The following MEI4 variants were observed in gnomAD, a reference collection of about 807,000 sequenced individuals.
MEI4 encodes meiosis-specific protein MEI4.
A neutral mutation model predicts 31.4 loss-of-function variants in MEI4; 27 were observed. The ratio of observed to expected loss-of-function variants is 0.86; its 90% CI spans 0.63 to 1.19. The LOEUF is 1.19. Ranked by LOEUF, MEI4 falls within the 50% of genes most tolerant of loss-of-function variation. The pLI, the probability that MEI4 is intolerant of heterozygous loss-of-function variation, is 0.00. For missense variants in MEI4, 329 were observed against 398.9 expected, an observed-to-expected ratio of 0.82 and a Z score of 1.49; for synonymous variants, 122 against 145.4, an observed-to-expected ratio of 0.84 and a Z score of 1.16.
intron 3 of MEI4, among the ~76,000 whole-genome samples, chr6:77,825,641 A>C (rs569802951): frequency 6.6e-6 from 1 of 152,308 alleles, no homozygotes; most frequent in Admixed American, 6.5e-5. Flanking sequence ...AAATGTTTTA[A>C]ATATCTATAA....
intron 4 of MEI4, among the ~76,000 whole-genome samples, chr6:77,882,574 T>C (rs192277716): frequency 1.3e-5 from 2 of 152,176 alleles, no homozygotes; most frequent in Non-Finnish European, 2.9e-5. Context: ...TCTGACCTTC[T>C]TACCATCAGA....
At chr6:77,849,414 C>CTGTG (rs1383987832) in intron 4 of MEI4, among the ~76,000 whole-genome samples, 1 of 152,048 alleles carries the variant, frequency 6.6e-6, no homozygotes, top group Non-Finnish European at 1.5e-5. Flanking sequence ...AATAAGGTGC[C>CTGTG]TGTGTGTGTG....
chr6:77,766,311 C>T (rs1768172982), intron 3 of MEI4, among the ~76,000 whole-genome samples: 1 of 152,118 alleles, frequency 6.6e-6, no homozygotes, highest in South Asian at 2.1e-4. Flanking sequence ...TGGTGATTCC[C>T]TCTAGTACTG....
At chr6:77,903,195 G>A (rs1253187893) in intron 4 of MEI4, among the ~76,000 whole-genome samples, 1 of 151,538 alleles carries the variant, frequency 6.6e-6, no homozygotes, top group South Asian at 2.1e-4. Flanking sequence ...AGGGCTTTCA[G>A]TACAGAGAGT....
At chr6:77,857,694 C>A (rs899802680) in intron 4 of MEI4, among the ~76,000 whole-genome samples, 1 of 152,172 alleles carries the variant, frequency 6.6e-6, no homozygotes, top group African/African-American at 2.4e-5. Context: ...GGCTGAGTTG[C>A]ATGAATTCCT....
At chr6:77,761,708 T>C in intron 3 of MEI4, 43 bp downstream of exon 3, 1 of 1,175,952 alleles carries the variant, frequency 8.5e-7, no homozygotes, top group Non-Finnish European at 1.1e-6. Flanking sequence ...TGCTAGTAAT[T>C]TTAGTGAACA....
At chr6:77,758,170 A>G (rs957908008) in intron 2 of MEI4, among the ~76,000 whole-genome samples, 15 of 151,624 alleles carry the variant, frequency 9.9e-5, no homozygotes, top group East Asian at 5.8e-4. Flanking sequence ...AAAAAAAAAA[A>G]AAAGAAAGAA....
In MEI4 at chr6:77,700,739, C is replaced by T. The variant is rs9443459; in HGVS notation, c.232+9836C>T. On this transcript the variant is annotated intron_variant, in intron 2 of 4. Transcript: ENST00000684080. ...TTCCTATTCGGCCATCTTGGCTCCA[C>T]CCTGATATGCTTTTTCTACAGCATT... 7.0e-3 allele frequency among the ~76,000 whole-genome samples: 1,059 copies of T among 152,298 alleles called. 13 individuals are homozygous for T. The highest frequency in any genetic ancestry group is 0.024 in the African/African-American group (999 of 41,566).
At position 77,925,840 on chromosome 6, in the gene MEI4, ATAAG is replaced by A. The variant is rs1766830379; in HGVS notation, c.*2498_*2501del. Reference sequence around the variant, plus strand: ...TACATTTATATAATAAAATATATGAATAAGTAATATTATACATATATATACGATA... The same window carrying A: ...TACATTTATATAATAAAATATATGAATAATATTATACATATATATACGATA... On this transcript the variant is annotated 3_prime_UTR_variant, in exon 5 of 5. Coordinates refer to ENST00000684080, the MANE Select transcript of MEI4 (RefSeq NM_001322247.2). The A allele has an allele frequency of 6.7e-6, 1 of 148,796 alleles. No individual in the cohort carries two copies. The highest frequency in any genetic ancestry group is 1.5e-5 in the Non-Finnish European group (1 of 67,326). 9.2% of individuals were successfully genotyped at this position (148,796 alleles called of 1,614,324 possible).
At chr6:77,697,478 A>G (rs1179203595) in intron 2 of MEI4, among the ~76,000 whole-genome samples, 1 of 152,066 alleles carries the variant, frequency 6.6e-6, no homozygotes, top group Non-Finnish European at 1.5e-5. Context: ...CTTTGTTCTT[A>G]TTGGTTTCAA....
chr6:77,663,513 A>G (rs1337801884), intron 1 of MEI4, among the ~76,000 whole-genome samples: 2 of 152,140 alleles, frequency 1.3e-5, no homozygotes, highest in African/African-American at 2.4e-5. Flanking sequence ...TAATTTAGTT[A>G]AAGTGTCTCA....
chr6:77,742,397 T>C, intron 2 of MEI4, among the ~76,000 whole-genome samples: 1 of 152,020 alleles, frequency 6.6e-6, no homozygotes, highest in South Asian at 2.1e-4. Context: ...TTTCCTGTGT[T>C]TTTTGGCTGC....
chr6:77,874,996 C>CA (rs1177619983), intron 4 of MEI4, among the ~76,000 whole-genome samples: 2 of 152,152 alleles, frequency 1.3e-5, no homozygotes, highest in African/African-American at 2.4e-5. Flanking sequence ...ACTAAGTGGT[C>CA]ATAGCTGAAG....
intron 3 of MEI4, among the ~76,000 whole-genome samples, chr6:77,768,293 TAAAGA>T (rs1393541461): frequency 1.3e-5 from 2 of 152,234 alleles, no homozygotes; most frequent in Non-Finnish European, 2.9e-5. Context: ...GTTAATGGGT[TAAAGA>T]AAATATTCAT....
Position 77,782,062 on chromosome 6 carries a change from C to T in MEI4, c.768+20397C>T, listed in dbSNP as rs181211922. On this transcript the variant is annotated intron_variant, in intron 3 of 4. Transcript: ENST00000684080. ...GGGAAACAGAAGAATTGACCTTTTC[C>T]TGTATCTTCTGCTCTGAGAAGTCAC... Among the ~76,000 whole-genome samples, 408 of 152,202 alleles carry T rather than the reference C, an allele frequency of 2.7e-3. 2 individuals are homozygous for T. The highest frequency in any genetic ancestry group is 4.1e-3 in the Non-Finnish European group (276 of 68,006).
intron 3 of MEI4, among the ~76,000 whole-genome samples, chr6:77,803,407 A>C (rs371698446): frequency 2.0e-5 from 3 of 151,974 alleles, no homozygotes; most frequent in Non-Finnish European, 2.9e-5. Context: ...CTTCCTTGCC[A>C]TGGGTTTGAA....
chr6:77,713,990 G>A, intron 2 of MEI4, among the ~76,000 whole-genome samples: 1 of 151,886 alleles, frequency 6.6e-6, no homozygotes, highest in South Asian at 2.1e-4. Context: ...GTGGTATTTG[G>A]TTTTCTGTTT....
chr6:77,759,531 A>C (rs1767998450), intron 2 of MEI4, among the ~76,000 whole-genome samples: 2 of 152,158 alleles, frequency 1.3e-5, no homozygotes, highest in South Asian at 4.1e-4. Context: ...AGTCTCTTCT[A>C]AGCCATTTCT....
intron 4 of MEI4, among the ~76,000 whole-genome samples, chr6:77,837,112 T>C (rs1770237905): frequency 6.6e-6 from 1 of 152,120 alleles, no homozygotes; most frequent in Non-Finnish European, 1.5e-5. Context: ...CTGCTACTTA[T>C]TAAGAAAAAA....
Sources: allele counts gnomAD v4.1 joint callset (sites outside exome capture counted in the v4.1 genomes callset), GRCh38; gene constraint gnomAD v4.1.1; transcripts MANE v1.5; gene names NCBI Gene and HGNC (gene_info 2026-07-23, HGNC 2026-07-21).